Variants in CELF2 observed in about 807,000 individuals in gnomAD.
CELF2 encodes the protein CUG triplet repeat RNA-binding protein 2.
CELF2 carries 8 observed loss-of-function variants against 62.6 expected under a neutral mutation model. That is an observed-to-expected ratio of 0.13 (90% confidence interval 0.07 to 0.23). The LOEUF is 0.23. Ranked by LOEUF, CELF2 falls within the 10% of genes least tolerant of loss-of-function variation. CELF2 has a pLI of 1.00. For synonymous variants in CELF2, 258 were observed against 250.0 expected, an observed-to-expected ratio of 1.03 and a Z score of -0.30; for missense variants, 333 against 671.0, an observed-to-expected ratio of 0.50 and a Z score of 5.56.
rs972901006 is a variant in CELF2, at chr10:11,018,235, G to C, written c.74+72G>C. 1.2e-5 allele frequency: 16 copies of C among 1,330,632 alleles called. No homozygotes were observed. In the Middle Eastern group the frequency reaches 1.2e-3, roughly 99 times the overall value. 82.4% of individuals were successfully genotyped at this position (1,330,632 alleles called of 1,614,324 possible). A position where few individuals can be genotyped will look rare whatever the true frequency, so the allele number is the denominator to read the frequency against. On this transcript the variant is annotated intron_variant, in intron 1 of 12. Transcript: ENST00000633077. Reference sequence around the variant, plus strand: ...CCAGAGTCGGCGGCGCGAAGGGGACGGGCGTCGCCCGCAGCTCCCGGGCGC... The same window carrying C: ...CCAGAGTCGGCGGCGCGAAGGGGACCGGCGTCGCCCGCAGCTCCCGGGCGC...
At chr10:11,299,861 C>A (rs1438561770) in intron 9 of CELF2, among the ~76,000 whole-genome samples, 2 of 152,022 alleles carry the variant, frequency 1.3e-5, no homozygotes, top group Admixed American at 1.3e-4. Flanking sequence ...AAACAAACAT[C>A]TGGGGCCAGC....
Position 11,134,264 on chromosome 10 carries a change from T to C in CELF2, c.75-31222T>C, listed in dbSNP as rs563072680. ...GGGCAGGGGCCCTGCAGGAGGAACG[T>C]TGGCCTCTCCCCGTGTTTTGTGAAT... On this transcript the variant is annotated intron_variant, in intron 1 of 12. Coordinates refer to ENST00000633077, the MANE Select transcript of CELF2 (RefSeq NM_001326342.2). Among the ~76,000 whole-genome samples, 6 of 152,192 alleles carry C rather than the reference T, an allele frequency of 3.9e-5. No homozygotes were observed. In the East Asian group the frequency reaches 9.6e-4, roughly 24 times the overall value.
At chr10:11,077,386 A>G (rs1233664740) in intron 1 of CELF2, among the ~76,000 whole-genome samples, 4 of 152,180 alleles carry the variant, frequency 2.6e-5, no homozygotes, top group African/African-American at 9.6e-5. Flanking sequence ...AAATAATCCC[A>G]AGTGGGTCAG....
intron 1 of CELF2, among the ~76,000 whole-genome samples, chr10:10,833,656 G>A (rs10905841): frequency 0.47 from 71,624 of 151,978 alleles, 17,436 homozygotes; most frequent in African/African-American, 0.6. Flanking sequence ...ATGTGAACAC[G>A]AACAGTCACT....
At chr10:10,831,879 C>T (rs561093097) in intron 1 of CELF2, among the ~76,000 whole-genome samples, 47 of 151,226 alleles carry the variant, frequency 3.1e-4, no homozygotes, top group African/African-American at 1.1e-3. Context: ...GGCTGAGGCA[C>T]GAGAATCACT....
At chr10:10,569,830 A>T in the CELF2 span, among the ~76,000 whole-genome samples, 4 of 152,158 alleles carry the variant, frequency 2.6e-5, no homozygotes, top group African/African-American at 9.7e-5. Context: ...TGCCACAGTC[A>T]TGGAAAACTC....
the CELF2 span, among the ~76,000 whole-genome samples, chr10:10,472,225 GC>G: frequency 6.6e-6 from 1 of 151,546 alleles, no homozygotes; most frequent in Non-Finnish European, 1.5e-5. Context: ...ATATTGGATA[GC>G]CTGAGTGATA....
the CELF2 span, among the ~76,000 whole-genome samples, chr10:10,737,497 TTCCTC>T: frequency 1.3e-5 from 2 of 152,112 alleles, no homozygotes; most frequent in Non-Finnish European, 2.9e-5. Context: ...AGTTATGACT[TTCCTC>T]TCCTGTTTGC....
At chr10:10,510,358 G>A in the CELF2 span, among the ~76,000 whole-genome samples, 12 of 152,110 alleles carry the variant, frequency 7.9e-5, no homozygotes, top group South Asian at 2.1e-4. Flanking sequence ...GGAGCATTTT[G>A]CAATACTTCT....
rs1554889265 is a variant in CELF2 at position 10,939,306 on chromosome 10, G to GTTGTT, written c.89+19307_89+19308insTTGTT. 5.9e-5 allele frequency among the ~76,000 whole-genome samples: 9 copies of GTTGTT among 151,960 alleles called. No homozygotes were observed. The South Asian group carries it at 1.9e-3, about 32-fold the overall frequency. On this transcript the variant is annotated intron_variant, in intron 2 of 13. Coordinates refer to the CELF2 transcript ENST00000636488. ...TGTTGTTGTTGTTGTTGTTGTTGTT[G>GTTGTT]AGACGGAGTCTCGCCTGTCACCCAG...
the CELF2 span, among the ~76,000 whole-genome samples, chr10:10,578,623 T>A: frequency 6.6e-6 from 1 of 152,126 alleles, no homozygotes; most frequent in African/African-American, 2.4e-5. Context: ...ATTTCCAAAG[T>A]GGGAAAAGGA....
At chr10:11,240,190 A>G (rs992953261) in intron 3 of CELF2, among the ~76,000 whole-genome samples, 2 of 152,220 alleles carry the variant, frequency 1.3e-5, no homozygotes, top group African/African-American at 4.8e-5. Flanking sequence ...AGAGGGTAAC[A>G]GTTTTTTCCC....
the CELF2 span, among the ~76,000 whole-genome samples, chr10:10,487,940 C>A: frequency 2.0e-5 from 3 of 151,928 alleles, no homozygotes. Context: ...TTTAATAATG[C>A]ATAATCATTA....
intron 1 of CELF2, among the ~76,000 whole-genome samples, chr10:10,818,087 A>T (rs1239633137): frequency 6.6e-6 from 1 of 152,184 alleles, no homozygotes; most frequent in Non-Finnish European, 1.5e-5. Flanking sequence ...AATATTTCTG[A>T]TCACCAAGGG....
intron 1 of CELF2, among the ~76,000 whole-genome samples, chr10:11,104,198 G>A (rs1209220925): frequency 1.3e-5 from 2 of 152,084 alleles, no homozygotes; most frequent in African/African-American, 4.8e-5. Context: ...AAGAATGTTA[G>A]CCTGATGTAT....
chr10:10,483,956 C>T, the CELF2 span, among the ~76,000 whole-genome samples: 1 of 145,178 alleles, frequency 6.9e-6, no homozygotes, highest in African/African-American at 2.6e-5. Context: ...TCTCATCTCT[C>T]TCTCTCCCAT....
chr10:10,909,536 G>T (rs544803537), intron 1 of CELF2, among the ~76,000 whole-genome samples: 100 of 152,266 alleles, frequency 6.6e-4, no homozygotes, highest in Non-Finnish European at 1.3e-3. Context: ...TGCCCTGGTA[G>T]CTCTCACACA....
At chr10:11,175,505 T>C (rs2070743826) in intron 2 of CELF2, among the ~76,000 whole-genome samples, 1 of 152,222 alleles carries the variant, frequency 6.6e-6, no homozygotes, top group Non-Finnish European at 1.5e-5. Flanking sequence ...TTTAAAATGT[T>C]GGAACAGCAG....
intron 1 of CELF2, among the ~76,000 whole-genome samples, chr10:11,144,097 A>G (rs1372238461): frequency 6.6e-6 from 1 of 151,836 alleles, no homozygotes; most frequent in African/African-American, 2.4e-5. Flanking sequence ...TAATATGGAC[A>G]TTATCTAGTG....
Sources: allele counts gnomAD v4.1 joint callset (sites outside exome capture counted in the v4.1 genomes callset), GRCh38; gene constraint gnomAD v4.1.1; transcripts MANE v1.5; gene names NCBI Gene and HGNC (gene_info 2026-07-23, HGNC 2026-07-21).